The following ADK variants were observed in gnomAD, a reference collection of about 807,000 sequenced individuals.
ADK encodes adenosine kinase.
A neutral mutation model predicts 44.7 loss-of-function variants in ADK; 24 were observed. The ratio of observed to expected loss-of-function variants is 0.54; its 90% CI spans 0.39 to 0.76. The LOEUF is 0.76. Ranked by LOEUF, ADK falls within the 30% of genes least tolerant of loss-of-function variation. ADK has a pLI of 0.00. For synonymous variants in ADK, 128 were observed against 142.6 expected (o/e 0.90, Z 0.73); for missense variants, 321 against 425.1 (o/e 0.76, Z 2.15).
chr10:74,162,521 T>TTGTGTGTGTG (rs10550667), intron 1 of ADK, among the ~76,000 whole-genome samples: 82 of 141,982 alleles, frequency 5.8e-4, no homozygotes, highest in Middle Eastern at 3.5e-3. Flanking sequence ...TGCATTTCTT[T>TTGTGTGTGTG]TGTGTGTGTG....
At chr10:74,577,495 T>C (rs897136570) in intron 7 of ADK, among the ~76,000 whole-genome samples, 12 of 152,126 alleles carry the variant, frequency 7.9e-5, no homozygotes, top group African/African-American at 2.9e-4. Flanking sequence ...CAACTATTGC[T>C]ACCTCTGAAG....
intron 9 of ADK, among the ~76,000 whole-genome samples, chr10:74,627,039 A>G (rs1262746191): frequency 1.3e-5 from 2 of 152,214 alleles, no homozygotes; most frequent in Non-Finnish European, 2.9e-5. Flanking sequence ...CTACATTGCT[A>G]TTTGTTATGA....
At chr10:74,704,754 C>A (rs1013231892) in intron 10 of ADK, among the ~76,000 whole-genome samples, 12 of 152,104 alleles carry the variant, frequency 7.9e-5, no homozygotes, top group African/African-American at 2.9e-4. Context: ...TCATACCAGG[C>A]GGAATGAAGA....
At chr10:74,205,040 C>CAAAAAAAAAA (rs60670688) in intron 2 of ADK, among the ~76,000 whole-genome samples, 3 of 51,646 alleles carry the variant, frequency 5.8e-5, no homozygotes, top group African/African-American at 2.0e-4. Flanking sequence ...CACTCTGTCT[C>CAAAAAAAAAA]AAAAAAAAAA....
chr10:74,593,295 ATCATTTATTTAT>A (rs1258387167), intron 8 of ADK, among the ~76,000 whole-genome samples: 1 of 152,170 alleles, frequency 6.6e-6, no homozygotes, highest in Non-Finnish European at 1.5e-5. Flanking sequence ...TCTTCATTTA[ATCATTTATTTAT>A]TCAACAAATA....
At chr10:74,153,438 A>T (rs1841667982) in intron 1 of ADK, among the ~76,000 whole-genome samples, 2 of 152,240 alleles carry the variant, frequency 1.3e-5, no homozygotes, top group African/African-American at 2.4e-5. Context: ...TAGAGGGAGC[A>T]TCTGACAAGA....
At chr10:74,384,626 G>A (rs528234320) in intron 4 of ADK, among the ~76,000 whole-genome samples, 102 of 152,200 alleles carry the variant, frequency 6.7e-4, no homozygotes, top group African/African-American at 2.3e-3. Flanking sequence ...AGTCAAGATC[G>A]CACCACTGCT....
intron 6 of ADK, among the ~76,000 whole-genome samples, chr10:74,406,662 T>C (rs1046852130): frequency 7.0e-6 from 1 of 143,546 alleles, no homozygotes; most frequent in Non-Finnish European, 1.5e-5. Context: ...CTCTCCCCTA[T>C]TTTGTCTTTT....
intron 4 of ADK, among the ~76,000 whole-genome samples, chr10:74,374,084 T>A (rs552887582): frequency 5.3e-5 from 8 of 152,260 alleles, no homozygotes; most frequent in African/African-American, 1.9e-4. Flanking sequence ...AACATGCATA[T>A]TTTTAGAGAC....
intron 9 of ADK, among the ~76,000 whole-genome samples, chr10:74,604,245 T>G (rs183166350): frequency 9.6e-4 from 146 of 152,366 alleles, no homozygotes; most frequent in African/African-American, 3.4e-3. Context: ...GCAGAAGCTC[T>G]TTAGTTTAAT....
intron 3 of ADK, among the ~76,000 whole-genome samples, chr10:74,300,266 CCT>C (rs1564640700): frequency 0.012 from 362 of 29,738 alleles, 10 homozygotes; most frequent in Middle Eastern, 0.056. Flanking sequence ...TTGTTTCCTT[CCT>C]TCCTTCCTTC....
intron 6 of ADK, among the ~76,000 whole-genome samples, chr10:74,480,003 GA>G (rs1847006298): frequency 6.6e-6 from 1 of 151,988 alleles, no homozygotes; most frequent in Non-Finnish European, 1.5e-5. Flanking sequence ...ATCATGCTTG[GA>G]TGAAGCTTAT....
chr10:74,298,579 C>T (rs939756653), intron 3 of ADK, among the ~76,000 whole-genome samples: 2 of 151,718 alleles, frequency 1.3e-5, no homozygotes, highest in African/African-American at 4.8e-5. Flanking sequence ...ATAGTGAGAC[C>T]CTATCTTTTC....
At chr10:74,436,664 A>G (rs1470327870) in intron 6 of ADK, among the ~76,000 whole-genome samples, 1 of 152,200 alleles carries the variant, frequency 6.6e-6, no homozygotes, top group Non-Finnish European at 1.5e-5. Flanking sequence ...GTGAAAAGAT[A>G]GCCTTTTCAA....
chr10:74,520,594 A>T (rs1589211303), intron 6 of ADK, among the ~76,000 whole-genome samples: 2 of 18,840 alleles, frequency 1.1e-4, no homozygotes, highest in Admixed American at 5.9e-4. Context: ...AAACACTGGT[A>T]AAAAAAAAAA....
intron 7 of ADK, among the ~76,000 whole-genome samples, chr10:74,558,466 G>T (rs149321083): frequency 2.0e-5 from 3 of 152,146 alleles, no homozygotes; most frequent in Non-Finnish European, 4.4e-5. Context: ...CTCATGACAG[G>T]AGTAAATTCT....
At chr10:74,327,349 G>C (rs1841057835) in intron 4 of ADK, among the ~76,000 whole-genome samples, 2 of 152,090 alleles carry the variant, frequency 1.3e-5, no homozygotes, top group African/African-American at 4.8e-5. Flanking sequence ...ATGCCATTGT[G>C]ATCGGAAAAT....
intron 4 of ADK, among the ~76,000 whole-genome samples, chr10:74,350,569 C>T (rs537309276): frequency 4.6e-5 from 7 of 151,938 alleles, no homozygotes; most frequent in African/African-American, 1.7e-4. Flanking sequence ...AAGATCACAG[C>T]AGAACTGAAG....
At chr10:74,334,896 G>A (rs1841355364) in intron 4 of ADK, among the ~76,000 whole-genome samples, 1 of 152,100 alleles carries the variant, frequency 6.6e-6, no homozygotes, top group Non-Finnish European at 1.5e-5. Flanking sequence ...TCATTCAGAG[G>A]CCTCTTTATG....
Sources: allele counts gnomAD v4.1 joint callset (sites outside exome capture counted in the v4.1 genomes callset), GRCh38; gene constraint gnomAD v4.1.1; transcripts MANE v1.5; gene names NCBI Gene and HGNC (gene_info 2026-07-23, HGNC 2026-07-21).